The following RAD23B variants were observed in gnomAD, a reference collection of about 807,000 sequenced individuals.
RAD23B encodes RAD23 nucleotide excision repair protein B, also known as lysine-specific demethylase RAD23B.
Under a neutral mutation model 49.1 loss-of-function variants are expected in RAD23B, and 5 were observed. That is an observed-to-expected ratio of 0.10 (90% CI 0.05 to 0.21). The LOEUF is 0.21. Ranked by LOEUF, RAD23B falls within the 10% of genes least tolerant of loss-of-function variation. The pLI is 1.00. For missense variants in RAD23B, 356 were observed against 486.7 expected (o/e 0.73, Z 2.53); for synonymous variants, 184 against 165.4 (o/e 1.11, Z -0.86).
chr9:107,320,522 A>G (rs1056104661), intron 6 of RAD23B, among the ~76,000 whole-genome samples: 21 of 152,280 alleles, frequency 1.4e-4, no homozygotes, highest in African/African-American at 4.6e-4. Flanking sequence ...ATCAAAAACA[A>G]TTTATAACTA....
At chr9:107,302,668 T>TA (rs991377116) in intron 3 of RAD23B, among the ~76,000 whole-genome samples, 40 of 151,316 alleles carry the variant, frequency 2.6e-4, no homozygotes, top group African/African-American at 9.2e-4. Context: ...TTGTTTTTTT[T>TA]TTTTTGAGAC....
intron 4 of RAD23B, among the ~76,000 whole-genome samples, chr9:107,307,930 CTT>C (rs1826811651): frequency 6.6e-6 from 1 of 152,216 alleles, no homozygotes; most frequent in Admixed American, 6.5e-5. Flanking sequence ...ATTCAACCAT[CTT>C]ATCCTAGTGG....
chr9:107,321,378 G>A (rs932432861), intron 6 of RAD23B, among the ~76,000 whole-genome samples: 2 of 152,116 alleles, frequency 1.3e-5, no homozygotes, highest in Non-Finnish European at 2.9e-5. Flanking sequence ...CACTTTCTCA[G>A]TACCATGGAT....
chr9:107,314,125 A>G (rs1329988213), intron 5 of RAD23B, among the ~76,000 whole-genome samples: 2 of 152,088 alleles, frequency 1.3e-5, no homozygotes, highest in African/African-American at 4.8e-5. Context: ...GTGGAAAGCA[A>G]CTCTCATGGG....
At chr9:107,326,749 T>G (rs1258849559) in intron 9 of RAD23B, among the ~76,000 whole-genome samples, 2 of 141,838 alleles carry the variant, frequency 1.4e-5, no homozygotes, top group Non-Finnish European at 3.0e-5. Context: ...TTCTCCTGCC[T>G]CAGCCTCCCG....
At chr9:107,301,724 A>G (rs907772814) in intron 2 of RAD23B, among the ~76,000 whole-genome samples, 2 of 151,018 alleles carry the variant, frequency 1.3e-5, no homozygotes, top group African/African-American at 2.4e-5. Flanking sequence ...TTTTTTTTTC[A>G]TAAACAGGGT....
intron 3 of RAD23B, among the ~76,000 whole-genome samples, chr9:107,302,838 A>G (rs1826685810): frequency 6.6e-6 from 1 of 151,786 alleles, no homozygotes; most frequent in Admixed American, 6.6e-5. Context: ...TTGTATTTTT[A>G]GTAGAGACAG....
chr9:107,309,727 T>A (rs997172131), intron 4 of RAD23B, among the ~76,000 whole-genome samples: 7 of 151,764 alleles, frequency 4.6e-5, no homozygotes, highest in Admixed American at 2.0e-4. Flanking sequence ...GTCAGGAGAT[T>A]GAGACCATCC....
At chr9:107,317,635 A>T (rs1316252741) in intron 5 of RAD23B, among the ~76,000 whole-genome samples, 2 of 151,862 alleles carry the variant, frequency 1.3e-5, no homozygotes, top group Non-Finnish European at 2.9e-5. Flanking sequence ...AGGGGTAAAG[A>T]TGTTGGTGGA....
intron 2 of RAD23B, 117 bp downstream of exon 2, chr9:107,300,339 AAGC>A: frequency 4.3e-6 from 5 of 1,163,552 alleles, no homozygotes; most frequent in Non-Finnish European, 5.7e-6. Context: ...GTACAAATAA[AAGC>A]AGTGAAAGAG....
At chr9:107,288,848 T>G (rs895193484) in intron 1 of RAD23B, among the ~76,000 whole-genome samples, 6 of 152,074 alleles carry the variant, frequency 3.9e-5, no homozygotes, top group African/African-American at 1.4e-4. Flanking sequence ...TTTTGGGTAC[T>G]GAAAAAAAGC....
intron 1 of RAD23B, among the ~76,000 whole-genome samples, chr9:107,286,415 T>G (rs1833273392): frequency 6.6e-6 from 1 of 152,178 alleles, no homozygotes; most frequent in Non-Finnish European, 1.5e-5. Flanking sequence ...ATAATTTGTT[T>G]TAAGGTGTTT....
chr9:107,330,998 T>G lies in RAD23B; in HGVS notation c.*1342T>G, dbSNP rs1178470595. The stretch of plus-strand genomic sequence containing the variant: ...ACGGGGCAGATGTCTACTTGTTCAG[T>G]TTTTCAAATCTGTTTTCCTGAGTAT... On this transcript the variant is annotated 3_prime_UTR_variant, in exon 10 of 10. Transcript: ENST00000358015. The surrounding 1 kb of genome is among the most constrained non-coding windows in gnomAD (Gnocchi z 4.4). 1 of 152,646 alleles carries G rather than the reference T, an allele frequency of 6.6e-6. No individual in the cohort carries two copies. Among genetic ancestry groups the G allele is most frequent in the Non-Finnish European group, 1.5e-5 (1 of 68,038 alleles). 9.5% of individuals were successfully genotyped at this position (152,646 alleles called of 1,614,324 possible).
chr9:107,313,560 A>T (rs1185219546), intron 5 of RAD23B, among the ~76,000 whole-genome samples: 3 of 152,268 alleles, frequency 2.0e-5, no homozygotes, highest in East Asian at 3.9e-4. Flanking sequence ...TATTAAATGT[A>T]TGAGTTTTCT....
chr9:107,324,097 C>T (rs1445365902), intron 8 of RAD23B, 80 bp downstream of exon 8: 1 of 1,415,366 alleles, frequency 7.1e-7, no homozygotes, highest in Non-Finnish European at 9.9e-7. Flanking sequence ...CCTTCCCCTC[C>T]TCAAATACAA....
In RAD23B at chr9:107,332,078, C is replaced by G; in HGVS notation, c.*2422C>G. On this transcript the variant is annotated 3_prime_UTR_variant, in exon 10 of 10. Transcript: ENST00000358015. ...ATTTGTAAATTTCTTATGCCATCCT[C>G]TAGTCAAATTTTTTTTCATTGTTTA... is the stretch of plus-strand genomic sequence containing the variant. 1.1e-5 allele frequency: 3 copies of G among 272,230 alleles called. No individual in the cohort carries two copies. The highest frequency in any genetic ancestry group is 2.0e-5 in the Non-Finnish European group (3 of 147,818). The allele number at this position is 272,230 out of a possible 1,614,324, so 16.9% of individuals were successfully genotyped here.
Position 107,318,625 on chromosome 9 carries a change from A to T in RAD23B, c.554-127A>T. On this transcript the variant is annotated intron_variant, in intron 5 of 9. Coordinates refer to ENST00000358015, the MANE Select transcript of RAD23B (RefSeq NM_002874.5). This position sits in a 1 kb window ranked among gnomAD's most constrained non-coding sequence, Gnocchi z 4.3. ...CTACTACATATATGTTGTAATTTAT[A>T]CTGTTACTCATCTTTGTATTCCCAG... The T allele has an allele frequency of 9.6e-7, 1 of 1,044,546 alleles. No individual in the cohort carries two copies. The highest frequency in any genetic ancestry group is 1.7e-5 in the South Asian group (1 of 59,520). The allele number at this position is 1,044,546 out of a possible 1,614,324, so 64.7% of individuals were successfully genotyped here.
rs11573731 is a variant in RAD23B at position 107,331,299 on chromosome 9, T to A, written c.*1643T>A. ...GGGCAGATCACTTGAGGCCAGGAGATTGAGACCAGCCTGACCGTCATGGCG... is the reference window on the plus strand; with the variant it reads ...GGGCAGATCACTTGAGGCCAGGAGAATGAGACCAGCCTGACCGTCATGGCG... On this transcript the variant is annotated 3_prime_UTR_variant, in exon 10 of 10. Transcript: ENST00000358015. 5,194 of 167,134 alleles carry A rather than the reference T, an allele frequency of 0.031. 305 individuals are homozygous for A. Among genetic ancestry groups the A allele is most frequent in the African/African-American group, 0.12 (4,938 of 41,840 alleles). The allele number at this position is 167,134 out of a possible 1,614,324, so 10.4% of individuals were successfully genotyped here.
At chr9:107,296,815 G>A (rs377172337) in intron 1 of RAD23B, among the ~76,000 whole-genome samples, 36 of 151,176 alleles carry the variant, frequency 2.4e-4, no homozygotes, top group East Asian at 9.8e-4. Flanking sequence ...GATTACAGGC[G>A]TGAGCCATGG....
Sources: allele counts gnomAD v4.1 joint callset (sites outside exome capture counted in the v4.1 genomes callset), GRCh38; gene constraint gnomAD v4.1.1; non-coding constraint Gnocchi (gnomAD v3.1); transcripts MANE v1.5; gene names NCBI Gene and HGNC (gene_info 2026-07-23, HGNC 2026-07-21).